Variants in NLRP3 observed in about 807,000 individuals in gnomAD.
NLRP3 encodes NACHT, LRR and PYD domains-containing protein 3.
NLRP3 carries 48 observed loss-of-function variants against 91.3 expected under a neutral mutation model. The observed-to-expected ratio is 0.53, with a 90% confidence interval of 0.42 to 0.67. The LOEUF is 0.67. NLRP3 is among the 30% of genes least tolerant of loss of function. The pLI, the probability that NLRP3 is intolerant of heterozygous loss-of-function variation, is 0.00. For missense variants in NLRP3, 982 were observed against 1,276.9 expected (o/e 0.77, Z 3.52); for synonymous variants, 561 against 507.9 (o/e 1.10, Z -1.41).
At chr1:247,447,611 C>A (rs1389260524) in intron 9 of NLRP3, among the ~76,000 whole-genome samples, 1 of 152,050 alleles carries the variant, frequency 6.6e-6, no homozygotes, top group Non-Finnish European at 1.5e-5. Flanking sequence ...GCATCCTGGG[C>A]AAATGCAATG....
chr1:247,424,371 G>A lies in NLRP3; in HGVS notation c.922G>A (p.Ala308Thr). ...LMDGFDELQGAFDEHIGPLCT... is the reference protein window; with the variant it reads ...LMDGFDELQGTFDEHIGPLCT... ...GGACGGCTTCGATGAGCTGCAAGGT[G>A]CCTTTGACGAGCACATAGGACCGCT... The change falls in exon 4 of 10, where the codon GCC becomes ACC. Residue 308 changes from alanine to threonine, a missense_variant. Coordinates refer to ENST00000336119, the MANE Select transcript of NLRP3 (RefSeq NM_001243133.2). This position sits in a 1 kb window ranked among gnomAD's most constrained non-coding sequence, Gnocchi z 8.1. The A allele has an allele frequency of 6.2e-7, 1 of 1,614,112 alleles. No individual in the cohort carries two copies. The highest frequency in any genetic ancestry group is 8.5e-7 in the Non-Finnish European group (1 of 1,180,038).
chr1:247,431,212 A>AATAATAATAATAATAATAAT (rs547689900), intron 5 of NLRP3, among the ~76,000 whole-genome samples: 52 of 150,432 alleles, frequency 3.5e-4, no homozygotes, highest in African/African-American at 1.2e-3. Context: ...ATAATAATAA[A>AATAATAATAATAATAATAAT]AAATGTGCTT....
At chr1:247,423,143 T>C in intron 2 of NLRP3, 87 bp from the exon 3 acceptor site, 1 of 1,582,666 alleles carries the variant, frequency 6.3e-7, no homozygotes. Context: ...TGGGGTCTCC[T>C]CTCTCATGCC....
intron 9 of NLRP3, 135 bp downstream of exon 9, chr1:247,444,956 T>G: frequency 2.4e-6 from 2 of 840,472 alleles, no homozygotes; most frequent in Admixed American, 2.2e-5. Flanking sequence ...TCAGTTGTGG[T>G]GGATATTTTA....
chr1:247,420,878 C>A (rs1662409083), intron 2 of NLRP3, among the ~76,000 whole-genome samples: 2 of 152,188 alleles, frequency 1.3e-5, no homozygotes, highest in Non-Finnish European at 2.9e-5. Context: ...TGATTAGTCC[C>A]TCTTTATCTG....
chr1:247,448,346 A>T, intron 9 of NLRP3, 59 bp from the exon 10 acceptor site: 1 of 841,408 alleles, frequency 1.2e-6, no homozygotes, highest in Non-Finnish European at 2.1e-6. Flanking sequence ...TTTTAAGGTT[A>T]ACGACTCTGA....
At position 247,418,363 on chromosome 1, in the gene NLRP3, G is replaced by C. The variant is rs201001049; in HGVS notation, c.-438G>C. 3.7e-6 allele frequency: 1 copy of C among 268,114 alleles called. No individual in the cohort carries two copies. The highest frequency in any genetic ancestry group is 1.0e-4 in the East Asian group (1 of 9,696). 16.6% of individuals were successfully genotyped at this position (268,114 alleles called of 1,614,324 possible). A position where few individuals can be genotyped will look rare whatever the true frequency, so the allele number is the denominator to read the frequency against. On this transcript the variant is annotated 5_prime_UTR_variant, in exon 2 of 10. Transcript: ENST00000336119. Reference sequence around the variant, plus strand: ...GTCGCCTAGGCTGGAGTGCAGTGGCGTGATCTTGGCTCACTGCAGCCTCCA... The same window carrying C: ...GTCGCCTAGGCTGGAGTGCAGTGGCCTGATCTTGGCTCACTGCAGCCTCCA...
At chr1:247,421,290 T>C (rs1439200708) in intron 2 of NLRP3, among the ~76,000 whole-genome samples, 1 of 151,898 alleles carries the variant, frequency 6.6e-6, no homozygotes, top group African/African-American at 2.4e-5. Context: ...GTGGGTGTAA[T>C]GACACTGGGG....
At position 247,424,915 on chromosome 1, in the gene NLRP3, A is replaced by G; in HGVS notation, c.1466A>G (p.Asn489Ser). The change falls in exon 4 of 10, where the codon AAT becomes AGT. Residue 489 changes from asparagine to serine, a missense_variant. Physicochemically the swap from Asn to Ser is conservative, Grantham distance 46. This residue lies in a region of NLRP3 where 548 missense variants were observed against 713.7 expected (regional missense o/e 0.77). Coordinates refer to ENST00000336119, the MANE Select transcript of NLRP3 (RefSeq NM_001243133.2). This position sits in a 1 kb window ranked among gnomAD's most constrained non-coding sequence, Gnocchi z 8.1. ...KILFEESDLR[N>S]HGLQKADVSA... ...CTGTTTGAGGAGTCCGACCTCAGGA[A>G]TCATGGACTGCAGAAGGCGGATGTG... 1 of 1,612,786 alleles carries G rather than the reference A, an allele frequency of 6.2e-7. No individual in the cohort carries two copies. The highest frequency in any genetic ancestry group is 8.5e-7 in the Non-Finnish European group (1 of 1,180,028).
At chr1:247,444,257 G>C in intron 8 of NLRP3, 115 bp downstream of exon 8, 1 of 1,116,106 alleles carries the variant, frequency 9.0e-7, no homozygotes, top group East Asian at 2.4e-5. Context: ...TGTCTTCTTA[G>C]TGTTTGCCTT....
intron 7 of NLRP3, among the ~76,000 whole-genome samples, chr1:247,443,548 T>A (rs929727594): frequency 6.9e-6 from 1 of 145,530 alleles, no homozygotes; most frequent in Non-Finnish European, 1.5e-5. Context: ...GATTTTTTTT[T>A]CCTGTCTCTC....
At chr1:247,433,542 G>T (rs1663506009) in intron 5 of NLRP3, among the ~76,000 whole-genome samples, 1 of 152,110 alleles carries the variant, frequency 6.6e-6, no homozygotes, top group African/African-American at 2.4e-5. Context: ...TGTGACTGGG[G>T]AGACTGGGGG....
chr1:247,424,134 G>C lies in NLRP3; in HGVS notation c.685G>C (p.Gly229Arg). The C allele has an allele frequency of 6.2e-7, 1 of 1,614,110 alleles. No individual in the cohort carries two copies. ...TVVFQGAAGI[G>R]KTILARKMML... ...GGTGTTCCAGGGGGCGGCAGGGATT[G>C]GGAAAACAATCCTGGCCAGGAAGAT... Residue 229 changes from glycine to arginine, a missense_variant, in exon 4 of 10, where the codon GGG becomes CGG. By Grantham distance (125) the Gly-to-Arg change is moderately radical. Transcript: ENST00000336119. This position sits in a 1 kb window ranked among gnomAD's most constrained non-coding sequence, Gnocchi z 8.1.
rs2103173235 is a variant in NLRP3 at position 247,435,961 on chromosome 1, C to T, written c.2493-9C>T. On this transcript the variant is annotated splice_polypyrimidine_tract_variant and intron_variant, in intron 6 of 9. Transcript: ENST00000336119. The stretch of plus-strand genomic sequence containing the variant: ...AGACATGACTGACATTCTGCCATCT[C>T]TATGGAAGGTTGGTCAGCTGCTGCC... The T allele has an allele frequency of 1.2e-6, 2 of 1,613,628 alleles. No individual in the cohort carries two copies. Among genetic ancestry groups the T allele is most frequent in the Non-Finnish European group, 1.7e-6 (2 of 1,179,942 alleles).
At position 247,431,021 on chromosome 1, in the gene NLRP3, A is replaced by C. The variant is rs561239646; in HGVS notation, c.2321+1266A>C. Among the ~76,000 whole-genome samples, 5 of 151,778 alleles carry C rather than the reference A, an allele frequency of 3.3e-5. No individual in the cohort carries two copies. In the South Asian group the frequency reaches 1.0e-3, roughly 32 times the overall value. On this transcript the variant is annotated intron_variant, in intron 5 of 9. Coordinates refer to ENST00000336119, the MANE Select transcript of NLRP3 (RefSeq NM_001243133.2). ...TGTATGGGTTGAAATGTCACAGGGAATCTCCTGTGACTTTATTAATAATGT... is the reference window on the plus strand; with the variant it reads ...TGTATGGGTTGAAATGTCACAGGGACTCTCCTGTGACTTTATTAATAATGT...
intron 5 of NLRP3, among the ~76,000 whole-genome samples, chr1:247,431,206 TAATAAA>T (rs963660668): frequency 1.3e-5 from 2 of 151,766 alleles, no homozygotes; most frequent in African/African-American, 4.8e-5. Context: ...ATAATAATAA[TAATAAA>T]AAATGTGCTT....
At chr1:247,429,849 C>T in intron 5 of NLRP3, 94 bp downstream of exon 5, 1 of 1,487,380 alleles carries the variant, frequency 6.7e-7, no homozygotes. Flanking sequence ...GACCAGGTTG[C>T]TGGTGTGGTT....
chr1:247,446,419 C>G (rs923207791), intron 9 of NLRP3, among the ~76,000 whole-genome samples: 1 of 152,226 alleles, frequency 6.6e-6, no homozygotes, highest in Non-Finnish European at 1.5e-5. Flanking sequence ...TGGTGGCTTC[C>G]ATGCCCCACA....
chr1:247,420,411 A>ATT (rs58853245), intron 2 of NLRP3, among the ~76,000 whole-genome samples: 33 of 147,974 alleles, frequency 2.2e-4, no homozygotes, highest in African/African-American at 6.2e-4. Flanking sequence ...AGTTAGTATG[A>ATT]TTTTTTTTTT....
Sources: gnomAD v4.1 joint callset for allele counts (sites outside exome capture counted in the v4.1 genomes callset) on GRCh38, gnomAD v4.1.1 for gene constraint, gnomAD v4.1.1 regional missense constraint, Gnocchi (gnomAD v3.1) non-coding constraint, MANE v1.5 for transcripts, NCBI Gene and HGNC (gene_info 2026-07-23, HGNC 2026-07-21) for gene names.